Variants in CELF1 observed in about 807,000 individuals in gnomAD.
CELF1 encodes 50 kDa nuclear polyadenylated RNA-binding protein.
CELF1 carries 10 observed loss-of-function variants against 61.8 expected under a neutral mutation model. That is an observed-to-expected ratio of 0.16 (90% confidence interval 0.10 to 0.27). The LOEUF is 0.27. Ranked by LOEUF, CELF1 falls within the 10% of genes least tolerant of loss-of-function variation. The probability of loss-of-function intolerance (pLI) is 1.00; values close to 1 mark genes in which losing one functional copy is unlikely to be tolerated. For synonymous variants in CELF1, 236 were observed against 225.1 expected (o/e 1.05, Z -0.43); for missense variants, 380 against 639.1 (o/e 0.59, Z 4.37).
intron 1 of CELF1, among the ~76,000 whole-genome samples, chr11:47,526,142 CA>C (rs1565888547): frequency 6.6e-6 from 1 of 152,008 alleles, no homozygotes; most frequent in East Asian, 1.9e-4. Flanking sequence ...CCAGCCTGAC[CA>C]ACAGGGAGAA....
chr11:47,556,188 A>T (rs890648017), upstream of CELF1, among the ~76,000 whole-genome samples: 1 of 151,894 alleles, frequency 6.6e-6, no homozygotes, highest in African/African-American at 2.4e-5. Flanking sequence ...TTATTTTTTT[A>T]ATTTTACTTT....
intron 6 of CELF1, among the ~76,000 whole-genome samples, chr11:47,486,117 T>G: frequency 2.0e-4 from 1 of 5,026 alleles, no homozygotes; most frequent in South Asian, 0.016. Flanking sequence ...GCTAAGATCA[T>G]GCCAGTGTAC....
chr11:47,501,375 T>C (rs1333309304), intron 1 of CELF1, among the ~76,000 whole-genome samples: 1 of 152,214 alleles, frequency 6.6e-6, no homozygotes, highest in Middle Eastern at 3.2e-3. Context: ...ATGTTTGTCC[T>C]AGTTTCTCCT....
At chr11:47,529,424 C>T (rs752681260) in intron 1 of CELF1, among the ~76,000 whole-genome samples, 9 of 152,188 alleles carry the variant, frequency 5.9e-5, no homozygotes, top group Middle Eastern at 3.4e-3. Flanking sequence ...TGCTGGCTCA[C>T]GCCTGTAATC....
At chr11:47,473,303 A>AT in intron 13 of CELF1, 72 bp from the exon 14 acceptor site, 5 of 1,379,272 alleles carry the variant, frequency 3.6e-6, no homozygotes, top group Non-Finnish European at 5.0e-6. Flanking sequence ...GTGATCTTTC[A>AT]TTTCCACCTA....
intron 10 of CELF1, among the ~76,000 whole-genome samples, chr11:47,478,045 C>T (rs2081068282): frequency 6.6e-6 from 1 of 151,222 alleles, no homozygotes; most frequent in Admixed American, 6.6e-5. Flanking sequence ...GTCGCTGCTG[C>T]AAACCATTTA....
chr11:47,500,758 T>G, intron 2 of CELF1, 103 bp downstream of exon 2: 1 of 395,066 alleles, frequency 2.5e-6, no homozygotes, highest in East Asian at 3.6e-5. Context: ...AAACAACAAA[T>G]GGCGGCATTT....
chr11:47,546,179 T>C lies in CELF1; in HGVS notation c.-154+6813A>G, dbSNP rs1220164262. ...CCTGCCTCGGCCTCCCTACATCTTT[T>C]TAAGGGAGAAAAATAGGAGAAAGGC... is the stretch of plus-strand genomic sequence containing the variant. On this transcript the variant is annotated intron_variant, in intron 1 of 14. Transcript: ENST00000687097. 2.0e-5 allele frequency among the ~76,000 whole-genome samples: 3 copies of C among 150,950 alleles called. No individual in the cohort carries two copies. The East Asian group carries it at 5.8e-4, about 29-fold the overall frequency.
At chr11:47,552,013 TAAAA>T (rs78697230) in intron 1 of CELF1, among the ~76,000 whole-genome samples, 6 of 127,132 alleles carry the variant, frequency 4.7e-5, no homozygotes, top group Non-Finnish European at 1.0e-4. Flanking sequence ...AACTCCGTCT[TAAAA>T]AAAAAAAAAA....
intron 9 of CELF1, among the ~76,000 whole-genome samples, chr11:47,480,757 G>A (rs539685126): frequency 2.0e-5 from 3 of 152,168 alleles, no homozygotes; most frequent in South Asian, 2.1e-4. Context: ...AAATATAACC[G>A]GACCCAGTGG....
At chr11:47,525,474 G>T (rs1430346138) in intron 1 of CELF1, among the ~76,000 whole-genome samples, 1 of 152,136 alleles carries the variant, frequency 6.6e-6, no homozygotes, top group Non-Finnish European at 1.5e-5. Flanking sequence ...TACCACCTAT[G>T]TAATTTTATT....
intron 6 of CELF1, among the ~76,000 whole-genome samples, chr11:47,485,900 G>A (rs1371906252): frequency 2.8e-5 from 4 of 144,924 alleles, no homozygotes; most frequent in South Asian, 2.4e-4. Flanking sequence ...GGTGGCTCAC[G>A]CCTGTAATCC....
intron 1 of CELF1, among the ~76,000 whole-genome samples, chr11:47,535,795 C>A (rs1598258485): frequency 6.6e-6 from 1 of 150,884 alleles, no homozygotes; most frequent in Non-Finnish European, 1.5e-5. Flanking sequence ...TAGGGTCTTG[C>A]TCTGTCGCCC....
chr11:47,509,186 G>A (rs2094837455), intron 1 of CELF1, among the ~76,000 whole-genome samples: 1 of 152,194 alleles, frequency 6.6e-6, no homozygotes, highest in Non-Finnish European at 1.5e-5. Flanking sequence ...AGAGCTGAAT[G>A]GAAACTAAAA....
chr11:47,508,697 CATAA>C (rs1372032204), intron 1 of CELF1, among the ~76,000 whole-genome samples: 1 of 147,296 alleles, frequency 6.8e-6, no homozygotes, highest in Non-Finnish European at 1.5e-5. Context: ...CACACACACA[CATAA>C]ATAAACAACA....
At position 47,547,508 on chromosome 11, in the gene CELF1, T is replaced by A. The variant is rs191060175; in HGVS notation, c.-154+5484A>T. On this transcript the variant is annotated intron_variant, in intron 1 of 14. Coordinates refer to ENST00000687097, the MANE Select transcript of CELF1 (RefSeq NM_001376376.1). ...GCCTGGCCAAAATGGTGAAACCCCA[T>A]CTCTACTAAAAATACAAAATTAGCC... 1.4e-4 allele frequency among the ~76,000 whole-genome samples: 21 copies of A among 151,794 alleles called. 1 individual carries two copies. The East Asian group carries it at 4.1e-3, about 29-fold the overall frequency.
intron 1 of CELF1, among the ~76,000 whole-genome samples, chr11:47,539,735 C>G (rs983301079): frequency 1.3e-5 from 2 of 152,172 alleles, no homozygotes; most frequent in African/African-American, 4.8e-5. Flanking sequence ...AGGCCCACAC[C>G]TGGAAAGTCT....
chr11:47,483,957 G>A (rs1484636030), intron 7 of CELF1, among the ~76,000 whole-genome samples: 1 of 152,164 alleles, frequency 6.6e-6, no homozygotes, highest in Non-Finnish European at 1.5e-5. Flanking sequence ...TATACAGCAG[G>A]AAGCAGCAGG....
In CELF1 at chr11:47,479,036, G is replaced by GA. The variant is rs752875708; in HGVS notation, c.769-85dup. ...GGATAACTCTACAGCACAGCAAAGC[G>GA]AGAGTGCAGAGGCCCCCAGAGAGAA... On this transcript the variant is annotated intron_variant, in intron 9 of 14. Coordinates refer to ENST00000687097, the MANE Select transcript of CELF1 (RefSeq NM_001376376.1). 1,464 of 1,047,838 alleles carry GA rather than the reference G, an allele frequency of 1.4e-3. 3 individuals are homozygous for GA. Among genetic ancestry groups the GA allele is most frequent in the Non-Finnish European group, 1.9e-3 (1,346 of 692,616 alleles). 64.9% of individuals were successfully genotyped at this position (1,047,838 alleles called of 1,614,324 possible).
Sources: allele counts gnomAD v4.1 joint callset (sites outside exome capture counted in the v4.1 genomes callset), GRCh38; gene constraint gnomAD v4.1.1; transcripts MANE v1.5; gene names NCBI Gene and HGNC (gene_info 2026-07-23, HGNC 2026-07-21).